NALCN: variants seen among roughly 807,000 people sequenced by gnomAD.
The protein encoded by NALCN is sodium leak channel NALCN.
A neutral mutation model predicts 225.3 loss-of-function variants in NALCN; 111 were observed. The observed-to-expected ratio is 0.49, with a 90% confidence interval of 0.42 to 0.58. The LOEUF is 0.58. Among genes scored for constraint, NALCN ranks in the 20% least tolerant of loss-of-function variants. The pLI is 0.00. For synonymous variants in NALCN, 764 were observed against 769.0 expected (o/e 0.99, Z 0.11); for missense variants, 1,378 against 2,202.4 (o/e 0.63, Z 7.49).
chr13:101,060,727 G>C (rs1033557511), intron 41 of NALCN, among the ~76,000 whole-genome samples: 55 of 152,278 alleles, frequency 3.6e-4, no homozygotes, highest in African/African-American at 1.3e-3. Flanking sequence ...GCCTTGGGTG[G>C]ATGAGAAAAC....
At chr13:101,235,321 T>C (rs985916255) in intron 12 of NALCN, among the ~76,000 whole-genome samples, 1 of 152,224 alleles carries the variant, frequency 6.6e-6, no homozygotes, top group Non-Finnish European at 1.5e-5. Flanking sequence ...AAAAATGGCA[T>C]GTCAGAGACT....
At chr13:101,373,967 TTAAAG>T (rs1410388795) in intron 6 of NALCN, among the ~76,000 whole-genome samples, 15 of 152,196 alleles carry the variant, frequency 9.9e-5, no homozygotes, top group African/African-American at 2.6e-4. Context: ...AATAAAGTGG[TTAAAG>T]TAGAGACATA....
At chr13:101,176,467 A>G in intron 14 of NALCN, 93 bp from the exon 15 acceptor site, 2 of 790,966 alleles carry the variant, frequency 2.5e-6, no homozygotes, top group South Asian at 6.2e-5. Flanking sequence ...TATATTGAGT[A>G]TATAATTCAT....
intron 13 of NALCN, among the ~76,000 whole-genome samples, chr13:101,201,452 G>C (rs2040117973): frequency 6.6e-6 from 1 of 152,004 alleles, no homozygotes; most frequent in Non-Finnish European, 1.5e-5. Flanking sequence ...TGTGGCCAGG[G>C]GTCATCCATG....
chr13:101,128,853 G>A (rs375978924), intron 17 of NALCN, among the ~76,000 whole-genome samples: 3 of 152,024 alleles, frequency 2.0e-5, no homozygotes, highest in South Asian at 2.1e-4. Context: ...GTAAGCCACC[G>A]CACCCAGCCA....
chr13:101,295,206 T>C (rs1379889891), intron 7 of NALCN, among the ~76,000 whole-genome samples: 5 of 152,206 alleles, frequency 3.3e-5, no homozygotes, highest in African/African-American at 1.2e-4. Flanking sequence ...ACTGTTTTTA[T>C]TGATGATTCA....
At chr13:101,119,896 A>T (rs2035888802) in intron 18 of NALCN, among the ~76,000 whole-genome samples, 1 of 152,218 alleles carries the variant, frequency 6.6e-6, no homozygotes, top group South Asian at 2.1e-4. Flanking sequence ...AGCATGGGCC[A>T]GTAGCCTCAA....
intron 7 of NALCN, among the ~76,000 whole-genome samples, chr13:101,336,274 G>A (rs550651407): frequency 2.7e-4 from 41 of 152,196 alleles, no homozygotes; most frequent in Non-Finnish European, 4.7e-4. Flanking sequence ...GACCCACACA[G>A]GGAGCTGAGT....
intron 13 of NALCN, among the ~76,000 whole-genome samples, chr13:101,227,078 T>C (rs2041172228): frequency 6.6e-6 from 1 of 152,136 alleles, no homozygotes; most frequent in Non-Finnish European, 1.5e-5. Context: ...TACCTTTGCC[T>C]CCTGCCTGTA....
intron 1 of NALCN, among the ~76,000 whole-genome samples, chr13:101,408,939 T>C (rs1318141270): frequency 1.3e-5 from 2 of 152,278 alleles, no homozygotes; most frequent in East Asian, 1.9e-4. Context: ...AAATAAAAAA[T>C]GGTTCCCCAC....
intron 3 of NALCN, among the ~76,000 whole-genome samples, chr13:101,392,023 A>AAAAAAT (rs1246942550): frequency 6.6e-6 from 1 of 151,588 alleles, no homozygotes; most frequent in African/African-American, 2.4e-5. Context: ...AACAAAAAAT[A>AAAAAAT]AAAAATAAAA....
intron 7 of NALCN, among the ~76,000 whole-genome samples, chr13:101,340,528 C>CT (rs1566594310): frequency 1.3e-5 from 2 of 152,210 alleles, no homozygotes; most frequent in East Asian, 1.9e-4. Context: ...TACACGTACT[C>CT]TAAGTGTAGT....
chr13:101,064,425 A>T (rs556326709), intron 40 of NALCN, among the ~76,000 whole-genome samples: 1 of 152,318 alleles, frequency 6.6e-6, no homozygotes, highest in South Asian at 2.1e-4. Flanking sequence ...GTACCTCAGA[A>T]CGTAAGGTTA....
intron 7 of NALCN, among the ~76,000 whole-genome samples, chr13:101,317,114 C>T (rs529297151): frequency 4.6e-5 from 7 of 151,988 alleles, no homozygotes; most frequent in African/African-American, 7.2e-5. Context: ...ATTTTGTTTT[C>T]GAGGGATTAA....
In NALCN at chr13:101,331,016, G is replaced by A. The variant is rs2045149497; in HGVS notation, c.799+14250C>T. 2.0e-5 allele frequency among the ~76,000 whole-genome samples: 3 copies of A among 152,218 alleles called. No individual in the cohort carries two copies. In the South Asian group the frequency reaches 6.2e-4, roughly 32 times the overall value. ...AGTCTCAAGTATGTCTTTATTAGCA[G>A]CATGAGAACACATTAATATATTCTT... On this transcript the variant is annotated intron_variant, in intron 7 of 43. Coordinates refer to ENST00000251127, the MANE Select transcript of NALCN (RefSeq NM_052867.4).
At chr13:101,280,446 G>A (rs1326403824) in intron 10 of NALCN, among the ~76,000 whole-genome samples, 3 of 152,018 alleles carry the variant, frequency 2.0e-5, no homozygotes, top group Admixed American at 6.6e-5. Flanking sequence ...CTCCTTGCTC[G>A]ATTTTGTCAT....
At chr13:101,075,139 G>A (rs552424476) in intron 35 of NALCN, among the ~76,000 whole-genome samples, 1 of 152,026 alleles carries the variant, frequency 6.6e-6, no homozygotes, top group East Asian at 1.9e-4. Flanking sequence ...GTGTATATAT[G>A]GAATGTATAT....
rs530500432 is a variant in NALCN, at chr13:101,055,279, C to G, written c.*16G>C. The G allele has an allele frequency of 6.2e-6, 10 of 1,601,154 alleles. No individual in the cohort carries two copies. The African/African-American group carries it at 1.2e-4, about 19-fold the overall frequency. On this transcript the variant is annotated 3_prime_UTR_variant, in exon 44 of 44. Coordinates refer to ENST00000251127, the MANE Select transcript of NALCN (RefSeq NM_052867.4). ...ACGGTTTCCACCACTAGAAATTCAT[C>G]TACATTGACATCCACCTAAATATCC...
At chr13:101,254,890 CAAA>C (rs149258180) in intron 11 of NALCN, among the ~76,000 whole-genome samples, 4 of 38,480 alleles carry the variant, frequency 1.0e-4, no homozygotes, top group Non-Finnish European at 2.0e-4. Context: ...GACTCTGTCT[CAAA>C]AAAAAAAAAA....
Sources: allele counts gnomAD v4.1 joint callset (sites outside exome capture counted in the v4.1 genomes callset), GRCh38; gene constraint gnomAD v4.1.1; transcripts MANE v1.5; gene names NCBI Gene and HGNC (gene_info 2026-07-23, HGNC 2026-07-21).